RALYL: variants seen among roughly 807,000 people sequenced by gnomAD.
RALYL encodes RALY RNA binding protein like.
RALYL carries 29 observed loss-of-function variants against 35.1 expected under a neutral mutation model. The ratio of observed to expected loss-of-function variants is 0.83; its 90% CI spans 0.61 to 1.13. The LOEUF is 1.13. RALYL is among the 50% of genes most tolerant of loss of function. RALYL has a pLI of 0.00. For missense variants in RALYL, 359 were observed against 360.4 expected, an observed-to-expected ratio of 1.00 and a Z score of 0.03; for synonymous variants, 120 against 127.6, an observed-to-expected ratio of 0.94 and a Z score of 0.40.
intron 1 of RALYL, among the ~76,000 whole-genome samples, chr8:84,436,037 C>A (rs989544310): frequency 6.6e-6 from 1 of 152,078 alleles, no homozygotes; most frequent in Admixed American, 6.6e-5. Context: ...TCAGAAGTCA[C>A]CTCTAAAGAA....
chr8:84,646,961 T>C (rs924174605), intron 2 of RALYL, among the ~76,000 whole-genome samples: 2 of 152,070 alleles, frequency 1.3e-5, no homozygotes, highest in Non-Finnish European at 1.5e-5. Context: ...CTTTTTTAGT[T>C]CTTAAGTTTC....
chr8:84,641,568 A>AATTTTTCC (rs1826333644), intron 2 of RALYL, among the ~76,000 whole-genome samples: 1 of 151,880 alleles, frequency 6.6e-6, no homozygotes, highest in Admixed American at 6.6e-5. Flanking sequence ...ACATGTACTC[A>AATTTTTCC]ATTTTTCCAT....
chr8:84,718,023 T>C (rs979004198), intron 2 of RALYL, among the ~76,000 whole-genome samples: 5 of 152,286 alleles, frequency 3.3e-5, no homozygotes, highest in African/African-American at 1.2e-4. Flanking sequence ...TATTATAAAG[T>C]GGTATGGCTT....
intron 2 of RALYL, among the ~76,000 whole-genome samples, chr8:84,570,587 A>T (rs1807712470): frequency 6.6e-6 from 1 of 151,826 alleles, no homozygotes; most frequent in South Asian, 2.1e-4. Flanking sequence ...CTCTTGCCTG[A>T]TCTCTCTGGC....
chr8:84,307,139 A>T (rs1841968444), intron 1 of RALYL, among the ~76,000 whole-genome samples: 1 of 152,102 alleles, frequency 6.6e-6, no homozygotes. Flanking sequence ...CACAGGGAGG[A>T]ATAGTGATCT....
chr8:84,445,935 A>G (rs2048803701), intron 1 of RALYL, among the ~76,000 whole-genome samples: 1 of 151,588 alleles, frequency 6.6e-6, no homozygotes, highest in Non-Finnish European at 1.5e-5. Context: ...ATTTGATAAT[A>G]TTTGATTCTG....
At chr8:84,831,693 A>C (rs1305997445) in intron 4 of RALYL, among the ~76,000 whole-genome samples, 1 of 152,152 alleles carries the variant, frequency 6.6e-6, no homozygotes, top group South Asian at 2.1e-4. Flanking sequence ...TTTTTTAAAA[A>C]TTTTGAATAA....
At chr8:84,296,423 C>T (rs112733864) in intron 1 of RALYL, among the ~76,000 whole-genome samples, 4,110 of 152,104 alleles carry the variant, frequency 0.027, 100 homozygotes, top group Non-Finnish European at 0.031. Flanking sequence ...TATCCCAGGA[C>T]ACATCTTTCC....
At chr8:84,879,286 C>T (rs1383485751) in intron 7 of RALYL, among the ~76,000 whole-genome samples, 1 of 151,882 alleles carries the variant, frequency 6.6e-6, no homozygotes, top group Non-Finnish European at 1.5e-5. Flanking sequence ...TGCATAAGTA[C>T]GTAAAGAGAA....
At chr8:84,350,418 A>G (rs1850674851) in intron 1 of RALYL, among the ~76,000 whole-genome samples, 1 of 150,562 alleles carries the variant, frequency 6.6e-6, no homozygotes, top group African/African-American at 2.5e-5. Context: ...TTTGCCTATG[A>G]ATTTAGTTTG....
At chr8:84,315,413 A>G (rs1001933399) in intron 1 of RALYL, among the ~76,000 whole-genome samples, 45 of 152,188 alleles carry the variant, frequency 3.0e-4, no homozygotes, top group Admixed American at 2.7e-3. Flanking sequence ...AACAAAGAAC[A>G]TTTGTACATA....
intron 1 of RALYL, among the ~76,000 whole-genome samples, chr8:84,449,492 T>C (rs554693820): frequency 1.2e-4 from 18 of 152,154 alleles, no homozygotes; most frequent in African/African-American, 4.1e-4. Context: ...ATCTAGGGGC[T>C]GAAAAAGGGA....
chr8:84,532,184 T>A (rs779515519), intron 2 of RALYL, among the ~76,000 whole-genome samples: 5 of 152,082 alleles, frequency 3.3e-5, no homozygotes, highest in Admixed American at 6.6e-5. Context: ...CTAACAACTT[T>A]GCTTTTCAGG....
chr8:84,564,864 A>G (rs2061678770), intron 2 of RALYL, among the ~76,000 whole-genome samples: 1 of 151,684 alleles, frequency 6.6e-6, no homozygotes, highest in Non-Finnish European at 1.5e-5. Flanking sequence ...AAATATTCAT[A>G]TAAAGATTCA....
intron 2 of RALYL, among the ~76,000 whole-genome samples, chr8:84,666,469 T>G (rs923712698): frequency 6.6e-6 from 1 of 151,960 alleles, no homozygotes; most frequent in African/African-American, 2.4e-5. Context: ...GAGGTTAAAG[T>G]TTGAGAGACA....
intron 4 of RALYL, among the ~76,000 whole-genome samples, chr8:84,824,906 A>C (rs925561675): frequency 6.6e-6 from 1 of 152,164 alleles, no homozygotes; most frequent in African/African-American, 2.4e-5. Context: ...AAACTATAAG[A>C]ATCTTAGAAA....
chr8:84,517,165 G>A (rs1209105606), intron 1 of RALYL, among the ~76,000 whole-genome samples: 2 of 152,184 alleles, frequency 1.3e-5, no homozygotes, highest in Non-Finnish European at 1.5e-5. Flanking sequence ...GATCCATGCA[G>A]TCATTCTGGC....
intron 2 of RALYL, among the ~76,000 whole-genome samples, chr8:84,761,106 C>A (rs1233194635): frequency 6.6e-6 from 1 of 151,996 alleles, no homozygotes; most frequent in African/African-American, 2.4e-5. Context: ...GAATCTCTTC[C>A]ATTTATCATA....
At chr8:84,691,318 T>G (rs1319531091) in intron 2 of RALYL, among the ~76,000 whole-genome samples, 2 of 152,084 alleles carry the variant, frequency 1.3e-5, no homozygotes, top group Admixed American at 6.6e-5. Flanking sequence ...AGGTTATCTT[T>G]GTCCACAGAT....
Sources: gnomAD v4.1 joint callset for allele counts (sites outside exome capture counted in the v4.1 genomes callset) on GRCh38, gnomAD v4.1.1 for gene constraint, MANE v1.5 for transcripts, NCBI Gene and HGNC (gene_info 2026-07-23, HGNC 2026-07-21) for gene names.